AUTS2: variants seen among roughly 807,000 people sequenced by gnomAD.
AUTS2 encodes autism susceptibility gene 2 protein.
A neutral mutation model predicts 112.4 loss-of-function variants in AUTS2; 17 were observed. That is an observed-to-expected ratio of 0.15 (90% confidence interval 0.10 to 0.23). The LOEUF (loss-of-function observed/expected upper bound fraction) is 0.23. Ranked by LOEUF, AUTS2 falls within the 10% of genes least tolerant of loss-of-function variation. AUTS2 has a pLI of 1.00. For synonymous variants in AUTS2, 751 were observed against 702.7 expected (o/e 1.07, Z -1.09); for missense variants, 1,510 against 1,701.6 (o/e 0.89, Z 1.98).
chr7:70,729,229 G>A (rs371314167), intron 6 of AUTS2: 2 of 456,188 alleles, frequency 4.4e-6, no homozygotes, highest in East Asian at 6.9e-5. Flanking sequence ...AAGGTACCAT[G>A]GCTGGGCCAG....
chr7:70,026,244 T>A (rs1434649904), intron 2 of AUTS2, among the ~76,000 whole-genome samples: 1 of 152,196 alleles, frequency 6.6e-6, no homozygotes, highest in Non-Finnish European at 1.5e-5. Context: ...AGACACTAGT[T>A]CTAATAATAC....
rs1562951558 is a variant in AUTS2, at chr7:69,888,539, GGATATA to G, written c.310-10746_310-10741del. 5.4e-5 allele frequency among the ~76,000 whole-genome samples: 3 copies of G among 55,248 alleles called. No homozygotes were observed. The Admixed American group carries it at 5.4e-4, about 10-fold the overall frequency. 36.2% of individuals were successfully genotyped at this position (55,248 alleles called of 152,430 possible). A position where few individuals can be genotyped will look rare whatever the true frequency, so the allele number is the denominator to read the frequency against. ...TCTTAGGCCCCACCTCCAACATTGG[GGATATA>G]TATATATATATATATATATATATAT... is the stretch of plus-strand genomic sequence containing the variant. On this transcript the variant is annotated intron_variant, in intron 1 of 18. Transcript: ENST00000342771.
At chr7:69,956,131 C>T (rs898193187) in intron 2 of AUTS2, among the ~76,000 whole-genome samples, 2 of 152,060 alleles carry the variant, frequency 1.3e-5, no homozygotes, top group Non-Finnish European at 2.9e-5. Flanking sequence ...GCCTCAGCTG[C>T]TGCTTTGCCT....
intron 4 of AUTS2, among the ~76,000 whole-genome samples, chr7:70,432,216 C>T (rs149464407): frequency 2.0e-5 from 3 of 152,284 alleles, no homozygotes; most frequent in East Asian, 1.9e-4. Flanking sequence ...TGGTCAAATC[C>T]GCTGGGACGC....
intron 4 of AUTS2, among the ~76,000 whole-genome samples, chr7:70,310,738 A>G (rs1201881492): frequency 6.6e-6 from 1 of 152,142 alleles, no homozygotes; most frequent in Non-Finnish European, 1.5e-5. Flanking sequence ...TCAGAAAACA[A>G]TTTGCAACAA....
intron 4 of AUTS2, among the ~76,000 whole-genome samples, chr7:70,397,189 G>A (rs559298373): frequency 7.7e-4 from 117 of 151,570 alleles, no homozygotes; most frequent in African/African-American, 2.5e-3. Flanking sequence ...TCAGCCTCCC[G>A]AGTAGCTGGG....
At chr7:70,468,722 G>A (rs1049690189) in intron 5 of AUTS2, among the ~76,000 whole-genome samples, 1 of 152,174 alleles carries the variant, frequency 6.6e-6, no homozygotes, top group African/African-American at 2.4e-5. Context: ...GCAGGCTGGT[G>A]AAGAGGAAGC....
intron 5 of AUTS2, among the ~76,000 whole-genome samples, chr7:70,508,140 G>A (rs1418587382): frequency 6.7e-6 from 1 of 150,344 alleles, no homozygotes; most frequent in African/African-American, 2.5e-5. Flanking sequence ...TCGGGCTACG[G>A]GGAGCAGAGG....
chr7:70,665,971 C>T (rs1807328090), intron 5 of AUTS2, among the ~76,000 whole-genome samples: 1 of 152,166 alleles, frequency 6.6e-6, no homozygotes, highest in Non-Finnish European at 1.5e-5. Flanking sequence ...GAGGAGTCAG[C>T]ATCAAGAAGG....
chr7:70,461,098 G>A (rs1796943352), intron 5 of AUTS2, among the ~76,000 whole-genome samples: 3 of 152,158 alleles, frequency 2.0e-5, no homozygotes, highest in South Asian at 2.1e-4. Flanking sequence ...TTGGTTTCAC[G>A]GAGGAACAGG....
chr7:70,787,348 G>C lies in AUTS2; in HGVS notation c.2448G>C (p.Glu816Asp). 7 of 1,614,086 alleles carry C rather than the reference G, an allele frequency of 4.3e-6. No individual in the cohort carries two copies. Among genetic ancestry groups the C allele is most frequent in the Non-Finnish European group, 5.9e-6 (7 of 1,179,920 alleles). ...CCTGGCTGAAGCCAGGGGAGCTGGA[G>C]CGCAGCGCGTCCGCTGCAGCTCATG... ...PPPWLKPGEL[E>D]RSASAAAHDR... is the part of the protein sequence containing the mutation. Residue 816 changes from glutamate (E) to aspartate (D), a missense_variant, in exon 18 of 19, where the codon GAG becomes GAC. Glu to Asp is a conservative substitution (Grantham distance 45). This residue lies in a region of AUTS2 where 788 missense variants were observed against 797.6 expected (regional missense o/e 0.99). Transcript: ENST00000342771.
intron 2 of AUTS2, among the ~76,000 whole-genome samples, chr7:70,061,192 T>G (rs1422797417): frequency 6.6e-6 from 1 of 152,130 alleles, no homozygotes; most frequent in Non-Finnish European, 1.5e-5. Context: ...AGATTCTTGT[T>G]TATGTGCGAA....
intron 6 of AUTS2, among the ~76,000 whole-genome samples, chr7:70,702,942 T>G (rs1259599071): frequency 6.6e-6 from 1 of 152,190 alleles, no homozygotes; most frequent in South Asian, 2.1e-4. Context: ...GTGAAGCCTT[T>G]GGATATTTTT....
intron 5 of AUTS2, among the ~76,000 whole-genome samples, chr7:70,659,085 G>A (rs912358164): frequency 6.6e-6 from 1 of 152,156 alleles, no homozygotes. Context: ...TTGGAGTGGT[G>A]TTACACATAC....
intron 1 of AUTS2, among the ~76,000 whole-genome samples, chr7:69,834,359 G>A (rs1006025049): frequency 6.6e-6 from 1 of 152,142 alleles, no homozygotes; most frequent in African/African-American, 2.4e-5. Flanking sequence ...TGTTTTAGAT[G>A]GTGTTCCTCA....
intron 4 of AUTS2, among the ~76,000 whole-genome samples, chr7:70,389,593 G>T (rs1221807047): frequency 6.6e-6 from 1 of 151,970 alleles, no homozygotes; most frequent in Admixed American, 6.6e-5. Flanking sequence ...TGGAAATTAT[G>T]ATATTTCACT....
chr7:70,210,294 G>A (rs909031678), intron 4 of AUTS2, among the ~76,000 whole-genome samples: 5 of 152,158 alleles, frequency 3.3e-5, no homozygotes, highest in East Asian at 1.9e-4. Context: ...AGAATAGTTC[G>A]TATTTTCGTA....
At chr7:70,719,160 A>T (rs1810533167) in intron 6 of AUTS2, among the ~76,000 whole-genome samples, 1 of 152,184 alleles carries the variant, frequency 6.6e-6, no homozygotes, top group Non-Finnish European at 1.5e-5. Context: ...AAGGCTGAAC[A>T]AGTTGCTCAA....
intron 5 of AUTS2, among the ~76,000 whole-genome samples, chr7:70,606,656 T>A (rs939656670): frequency 3.3e-5 from 5 of 152,028 alleles, no homozygotes; most frequent in Admixed American, 6.5e-5. Context: ...AGGTCGGAAG[T>A]TCGAGACCAG....
Sources: gnomAD v4.1 joint callset for allele counts (sites outside exome capture counted in the v4.1 genomes callset) on GRCh38, gnomAD v4.1.1 for gene constraint, gnomAD v4.1.1 regional missense constraint, MANE v1.5 for transcripts, NCBI Gene and HGNC (gene_info 2026-07-23, HGNC 2026-07-21) for gene names.